The following PDE1C variants were observed in gnomAD, a reference collection of about 807,000 sequenced individuals.
The protein encoded by PDE1C is phosphodiesterase 1C, also known as dual specificity calcium/calmodulin-dependent 3',5'-cyclic nucleotide phosphodiesterase 1C.
A neutral mutation model predicts 93.1 loss-of-function variants in PDE1C; 62 were observed. The ratio of observed to expected loss-of-function variants is 0.67; its 90% confidence interval spans 0.54 to 0.82. PDE1C has a LOEUF of 0.82. Ranked by LOEUF, PDE1C falls within the 40% of genes least tolerant of loss-of-function variation. The pLI is 0.00. For missense variants in PDE1C, 742 were observed against 884.6 expected (o/e 0.84, Z 2.04); for synonymous variants, 325 against 310.1 (o/e 1.05, Z -0.50).
At chr7:32,252,013 G>T (rs1351609380) in intron 1 of PDE1C, among the ~76,000 whole-genome samples, 2 of 152,076 alleles carry the variant, frequency 1.3e-5, no homozygotes, top group African/African-American at 4.8e-5. Context: ...CTCCAGGGAG[G>T]GTTCCATTTT....
chr7:31,618,937 C>T, the PDE1C span, among the ~76,000 whole-genome samples: 30 of 152,264 alleles, frequency 2.0e-4, no homozygotes, highest in Non-Finnish European at 3.8e-4. Context: ...TCATATGTGT[C>T]GAGAGAGTAG....
intron 16 of PDE1C, among the ~76,000 whole-genome samples, chr7:31,805,943 C>G (rs1786767926): frequency 6.6e-6 from 1 of 151,906 alleles, no homozygotes; most frequent in African/African-American, 2.4e-5. Flanking sequence ...AAAAAGCACT[C>G]TTCCACATAT....
chr7:31,723,345 A>G, the PDE1C span, among the ~76,000 whole-genome samples: 1 of 152,162 alleles, frequency 6.6e-6, no homozygotes, highest in Non-Finnish European at 1.5e-5. Context: ...TGCAAGAGCT[A>G]ACACAGCTGA....
chr7:32,425,693 G>A (rs1331345055), intron 1 of PDE1C, among the ~76,000 whole-genome samples: 36 of 152,202 alleles, frequency 2.4e-4, no homozygotes, highest in Non-Finnish European at 2.2e-4. Context: ...GCCAGGTGCA[G>A]CACTTTTGGA....
chr7:32,072,147 T>C (rs1446180485), upstream of PDE1C, among the ~76,000 whole-genome samples: 1 of 152,186 alleles, frequency 6.6e-6, no homozygotes, highest in African/African-American at 2.4e-5. Flanking sequence ...CACTTCATAA[T>C]TGGCATTCAT....
Position 32,364,791 on chromosome 7 carries a change from G to A in PDE1C, c.310+63031C>T, listed in dbSNP as rs77702860. The stretch of plus-strand genomic sequence containing the variant: ...GCCGCTGCACCTCTCCAGCACTGGG[G>A]CTTCATTGTCATTATACCAATCCCA... On this transcript the variant is annotated intron_variant, in intron 1 of 1. Transcript: ENST00000672256. Among the ~76,000 whole-genome samples, 120 of 152,320 alleles carry A rather than the reference G, an allele frequency of 7.9e-4. 1 individual carries two copies. The East Asian group carries it at 0.018, about 23-fold the overall frequency.
At chr7:31,658,894 C>G in the PDE1C span, among the ~76,000 whole-genome samples, 1 of 152,126 alleles carries the variant, frequency 6.6e-6, no homozygotes, top group Admixed American at 6.6e-5. Context: ...CTGCTAATCC[C>G]CTCCAAAACT....
the PDE1C span, among the ~76,000 whole-genome samples, chr7:31,623,614 A>C: frequency 3.6e-5 from 5 of 139,576 alleles, no homozygotes; most frequent in Non-Finnish European, 7.9e-5. Flanking sequence ...TCAAAATAAT[A>C]AGAGCTATCT....
intron 3 of PDE1C, among the ~76,000 whole-genome samples, chr7:32,150,899 C>CT (rs1584862069): frequency 1.3e-5 from 2 of 152,026 alleles, no homozygotes; most frequent in East Asian, 3.9e-4. Flanking sequence ...CAATGTAACT[C>CT]TGAGTATTTC....
intron 16 of PDE1C, among the ~76,000 whole-genome samples, chr7:31,793,022 T>C (rs968121687): frequency 6.6e-6 from 1 of 151,996 alleles, no homozygotes; most frequent in Non-Finnish European, 1.5e-5. Flanking sequence ...TGCAAATACA[T>C]GGTATATGAA....
chr7:32,166,830 GC>G (rs1314116201), intron 3 of PDE1C, among the ~76,000 whole-genome samples: 6 of 152,264 alleles, frequency 3.9e-5, no homozygotes, highest in Middle Eastern at 3.4e-3. Context: ...TCACAAGCAT[GC>G]TTTTTATGTG....
chr7:31,871,855 C>G (rs1410437277), intron 6 of PDE1C, among the ~76,000 whole-genome samples: 2 of 151,928 alleles, frequency 1.3e-5, no homozygotes, highest in African/African-American at 4.8e-5. Context: ...AGCAATCTCA[C>G]TACTGGGTAT....
At chr7:32,010,925 T>C (rs1201448331) in intron 2 of PDE1C, among the ~76,000 whole-genome samples, 1 of 152,198 alleles carries the variant, frequency 6.6e-6, no homozygotes, top group African/African-American at 2.4e-5. Context: ...AAGGTTACAT[T>C]CTGCAGAACA....
At chr7:32,216,941 C>G (rs983584046) in intron 1 of PDE1C, among the ~76,000 whole-genome samples, 3 of 152,092 alleles carry the variant, frequency 2.0e-5, no homozygotes, top group Admixed American at 1.3e-4. Context: ...AGGGTACCAG[C>G]CTGCAGGCAA....
chr7:32,411,588 TGAGTGAATGGG>T (rs1475272500), intron 1 of PDE1C, among the ~76,000 whole-genome samples: 1 of 152,180 alleles, frequency 6.6e-6, no homozygotes. Context: ...GGTGAGTCAG[TGAGTGAATGGG>T]GAGTGAATGG....
chr7:31,684,931 C>CA, the PDE1C span, among the ~76,000 whole-genome samples: 1 of 152,184 alleles, frequency 6.6e-6, no homozygotes, highest in Non-Finnish European at 1.5e-5. Context: ...TATGTTCACG[C>CA]AAAAGCCTCT....
intron 2 of PDE1C, among the ~76,000 whole-genome samples, chr7:32,175,746 C>A (rs1318999816): frequency 6.6e-6 from 1 of 152,226 alleles, no homozygotes; most frequent in Admixed American, 6.5e-5. Flanking sequence ...TGACCAAAAA[C>A]TTTCATGAGC....
chr7:32,001,562 T>G (rs982713346), intron 2 of PDE1C, among the ~76,000 whole-genome samples: 3 of 152,148 alleles, frequency 2.0e-5, no homozygotes, highest in African/African-American at 7.2e-5. Context: ...ATAAAGGAGT[T>G]CATCACTGCA....
chr7:31,761,254 C>G (rs1794818941), intron 17 of PDE1C, among the ~76,000 whole-genome samples: 1 of 151,860 alleles, frequency 6.6e-6, no homozygotes, highest in South Asian at 2.1e-4. Context: ...TAATAACTAC[C>G]AATAATAAAA....
Sources: allele counts gnomAD v4.1 joint callset (sites outside exome capture counted in the v4.1 genomes callset), GRCh38; gene constraint gnomAD v4.1.1; transcripts MANE v1.5; gene names NCBI Gene and HGNC (gene_info 2026-07-23, HGNC 2026-07-21).